SSPN: variants seen among roughly 807,000 people sequenced by gnomAD.
SSPN encodes sarcospan.
In SSPN, 15 loss-of-function variants were observed where a neutral mutation model predicts 19.1. That is an observed-to-expected ratio of 0.78 (90% CI 0.52 to 1.21). The LOEUF (loss-of-function observed/expected upper bound fraction) is 1.21, where lower values mean the gene tolerates loss of function less well. Among genes scored for constraint, SSPN ranks in the 50% most tolerant of loss-of-function variants. SSPN has a pLI of 0.00. For missense variants in SSPN, 291 were observed against 314.0 expected (o/e 0.93, Z 0.55); for synonymous variants, 147 against 140.3 (o/e 1.05, Z -0.34).
At position 26,231,030 on chromosome 12, in the gene SSPN, G is replaced by T. The variant is rs377309867; in HGVS notation, c.686G>T (p.Arg229Met). The T allele has an allele frequency of 9.3e-6, 15 of 1,614,046 alleles. No individual in the cohort carries two copies. Among genetic ancestry groups the T allele is most frequent in the Non-Finnish European group, 1.3e-5 (15 of 1,180,040 alleles). The change falls in exon 3 of 3, where the codon AGG becomes ATG. Residue 229 changes from arginine (R) to methionine (M), a missense_variant. This residue lies in a region of SSPN where 141 missense variants were observed against 166.7 expected (regional missense o/e 0.85). Transcript: ENST00000242729. ...TACCAGGTCTTCTATGTGGGTGTCA[G>T]GATATGCTCCCTCACGGCTTCCGAA... ...HRYQVFYVGV[R>M]ICSLTASEGP...
At chr12:26,206,367 A>T (rs1299639659) in intron 1 of SSPN, among the ~76,000 whole-genome samples, 3 of 152,230 alleles carry the variant, frequency 2.0e-5, no homozygotes, top group Non-Finnish European at 4.4e-5. Flanking sequence ...TAATATTTTT[A>T]AAGGTTGAAC....
rs952316667 is a variant in SSPN, at chr12:26,214,961, A to G, written c.280-9332A>G. 5.3e-5 allele frequency among the ~76,000 whole-genome samples: 8 copies of G among 152,318 alleles called. No individual in the cohort carries two copies. In the East Asian group the frequency reaches 1.3e-3, roughly 26 times the overall value. Reference sequence around the variant, plus strand: ...ATTATAAAATGGATGAGGGATTTTGATAAGTGATCAGCAAGGTGGGGGTTG... The same window carrying G: ...ATTATAAAATGGATGAGGGATTTTGGTAAGTGATCAGCAAGGTGGGGGTTG... On this transcript the variant is annotated intron_variant, in intron 1 of 2. Transcript: ENST00000242729.
At chr12:26,212,260 T>C (rs573784292) in intron 1 of SSPN, among the ~76,000 whole-genome samples, 4 of 152,294 alleles carry the variant, frequency 2.6e-5, no homozygotes, top group African/African-American at 9.6e-5. Flanking sequence ...CTGTCAGATA[T>C]CAACTCCTCA....
intron 1 of SSPN, among the ~76,000 whole-genome samples, chr12:26,132,433 A>T (rs1264220435): frequency 1.3e-5 from 2 of 152,226 alleles, no homozygotes; most frequent in Non-Finnish European, 2.9e-5. Flanking sequence ...TTATGTTCCA[A>T]AAAAGCCTGC....
At chr12:26,123,290 C>A (rs569271334) in intron 1 of SSPN, 5 of 1,316,526 alleles carry the variant, frequency 3.8e-6, no homozygotes, top group Admixed American at 5.7e-5. Context: ...TCGGTTTTTC[C>A]CCAGTATTCA....
upstream of SSPN, among the ~76,000 whole-genome samples, chr12:26,193,754 C>T (rs1944803312): frequency 6.6e-6 from 1 of 152,214 alleles, no homozygotes; most frequent in African/African-American, 2.4e-5. Context: ...GCTATTTCTA[C>T]TGCCTCTGCA....
chr12:26,231,373 C>G lies in SSPN; in HGVS notation c.*297C>G. On this transcript the variant is annotated 3_prime_UTR_variant, in exon 3 of 3. Coordinates refer to ENST00000242729, the MANE Select transcript of SSPN (RefSeq NM_005086.5). ...TATCTTTACAGTCTGGAGTTAATTC[C>G]TGTTAACTCATTTTATCCATTCCTT... The G allele has an allele frequency of 3.7e-6, 1 of 266,852 alleles. No homozygotes were observed. Among genetic ancestry groups the G allele is most frequent in the Admixed American group, 5.1e-5 (1 of 19,718 alleles). The allele number at this position is 266,852 out of a possible 1,614,324, so 16.5% of individuals were successfully genotyped here.
chr12:26,182,048 C>T (rs1944721543), intron 1 of SSPN, among the ~76,000 whole-genome samples: 1 of 152,158 alleles, frequency 6.6e-6, no homozygotes, highest in Non-Finnish European at 1.5e-5. Context: ...GGCTTTGGAA[C>T]AATTGACAGT....
chr12:26,195,087 C>T (rs1944813734), upstream of SSPN, among the ~76,000 whole-genome samples: 1 of 152,134 alleles, frequency 6.6e-6, no homozygotes, highest in Non-Finnish European at 1.5e-5. Flanking sequence ...GCGAAAAATG[C>T]CTTTATTCAT....
At chr12:26,123,522 C>T (rs1422534996) in intron 1 of SSPN, 1 of 840,940 alleles carries the variant, frequency 1.2e-6, no homozygotes, top group Non-Finnish European at 2.1e-6. Context: ...AGAGGGAACC[C>T]ATGAGCCCAC....
chr12:26,126,766 C>G (rs771230157), intron 1 of SSPN: 1 of 152,382 alleles, frequency 6.6e-6, no homozygotes, highest in South Asian at 2.1e-4. Flanking sequence ...AGGAGACGCT[C>G]GCGGTCCGTT....
rs765608562 is a variant in SSPN at position 26,195,823 on chromosome 12, C to G, written c.151C>G (p.Arg51Gly). The G allele has an allele frequency of 2.6e-6, 4 of 1,537,162 alleles. No individual in the cohort carries two copies. In the South Asian group the frequency reaches 3.6e-5, roughly 14 times the overall value. Residue 51 changes from arginine to glycine, a missense_variant, in exon 1 of 3, where the codon CGG becomes GGG. Coordinates refer to ENST00000242729, the MANE Select transcript of SSPN (RefSeq NM_005086.5). ...EEEPRTCCGC[R>G]FPLLLALLQL... ...GGAGCCCCGGACCTGCTGCGGCTGCCGGTTCCCGCTGCTGCTCGCCCTGCT... is the reference window on the plus strand; with the variant it reads ...GGAGCCCCGGACCTGCTGCGGCTGCGGGTTCCCGCTGCTGCTCGCCCTGCT...
intron 2 of SSPN, among the ~76,000 whole-genome samples, chr12:26,228,514 C>T (rs1430988875): frequency 3.9e-5 from 6 of 152,130 alleles, no homozygotes; most frequent in Non-Finnish European, 7.4e-5. Flanking sequence ...GGCCATTCTA[C>T]TAAGCAGATG....
At chr12:26,123,593 TTCA>T in intron 1 of SSPN, 1 of 1,467,244 alleles carries the variant, frequency 6.8e-7, no homozygotes, top group South Asian at 1.1e-5. Flanking sequence ...GCTGCCCCGC[TTCA>T]TCAGGGTAGG....
intron 1 of SSPN, among the ~76,000 whole-genome samples, chr12:26,175,805 A>G (rs1238136551): frequency 6.6e-6 from 1 of 151,408 alleles, no homozygotes; most frequent in African/African-American, 2.4e-5. Context: ...CTTAAAAAGC[A>G]AATTCAATTC....
chr12:26,158,159 T>G (rs1348174240), intron 1 of SSPN, among the ~76,000 whole-genome samples: 1 of 152,194 alleles, frequency 6.6e-6, no homozygotes, highest in Non-Finnish European at 1.5e-5. Flanking sequence ...AAATGCTAAC[T>G]CCTATGCATT....
intron 1 of SSPN, among the ~76,000 whole-genome samples, chr12:26,204,839 A>T (rs1253489283): frequency 6.6e-6 from 1 of 152,200 alleles, no homozygotes; most frequent in Admixed American, 6.5e-5. Context: ...GAAGACTAAA[A>T]CATGCAGCCT....
chr12:26,230,573 G>T, intron 2 of SSPN, 138 bp from the exon 3 acceptor site: 1 of 928,048 alleles, frequency 1.1e-6, no homozygotes, highest in South Asian at 1.8e-5. Flanking sequence ...CTTGGGTGTT[G>T]TGTTTCTAAG....
chr12:26,157,063 G>A (rs1462409746), intron 1 of SSPN, among the ~76,000 whole-genome samples: 1 of 152,160 alleles, frequency 6.6e-6, no homozygotes, highest in Admixed American at 6.5e-5. Context: ...TTCTATACAG[G>A]TAGCTCTTTT....
Sources: allele counts gnomAD v4.1 joint callset (sites outside exome capture counted in the v4.1 genomes callset), GRCh38; gene constraint gnomAD v4.1.1; regional missense constraint gnomAD v4.1.1; transcripts MANE v1.5; gene names NCBI Gene and HGNC (gene_info 2026-07-23, HGNC 2026-07-21).